KDM4B: variants seen among roughly 807,000 people sequenced by gnomAD.
KDM4B encodes lysine demethylase 4B.
Under a neutral mutation model 125.2 loss-of-function variants are expected in KDM4B, and 32 were observed. That is an observed-to-expected ratio of 0.26 (90% CI 0.19 to 0.34). The LOEUF (loss-of-function observed/expected upper bound fraction) is 0.34, where lower values mean the gene tolerates loss of function less well. Among genes scored for constraint, KDM4B ranks in the 10% least tolerant of loss-of-function variants. KDM4B has a pLI of 1.00. For missense variants in KDM4B, 1,190 were observed against 1,577.7 expected (o/e 0.75, Z 4.16); for synonymous variants, 721 against 677.9 (o/e 1.06, Z -0.99).
Position 5,048,738 on chromosome 19 carries a change from G to A in KDM4B, c.626+1069G>A, listed in dbSNP as rs575121212. ...AGGGAAAGGCCCTGTAGAGGACCCCGTGTGACTTGGGGCAAAGCGTGGCCT... is the reference window on the plus strand; with the variant it reads ...AGGGAAAGGCCCTGTAGAGGACCCCATGTGACTTGGGGCAAAGCGTGGCCT... On this transcript the variant is annotated intron_variant, in intron 6 of 22. Coordinates refer to ENST00000159111, the MANE Select transcript of KDM4B (RefSeq NM_015015.3). Among the ~76,000 whole-genome samples the A allele has an allele frequency of 5.3e-5, 8 of 152,358 alleles. No homozygotes were observed. In the East Asian group the frequency reaches 1.4e-3, roughly 26 times the overall value.
intron 2 of KDM4B, among the ~76,000 whole-genome samples, chr19:5,025,739 T>C (rs1054280060): frequency 5.9e-5 from 9 of 152,232 alleles, no homozygotes; most frequent in African/African-American, 1.9e-4. Flanking sequence ...ACTTTCCTCC[T>C]GCCCTGGACC....
intron 1 of KDM4B, among the ~76,000 whole-genome samples, chr19:5,004,081 A>G (rs2035479229): frequency 6.6e-6 from 1 of 152,160 alleles, no homozygotes; most frequent in Non-Finnish European, 1.5e-5. Flanking sequence ...GCTTCTTTGA[A>G]GTTAATACGT....
rs530469372 is a variant in KDM4B at position 5,131,194 on chromosome 19, G to A, written c.1434G>A (p.Ala478=). The A allele has an allele frequency of 5.0e-6, 8 of 1,603,798 alleles. No homozygotes were observed. The South Asian group carries it at 5.6e-5, about 11-fold the overall frequency. Residue 478 remains alanine, a synonymous_variant, in exon 12 of 23, where the codon GCG becomes GCA. Transcript: ENST00000159111. ...CTGCTCACTTCCCCTCAGAGGAGGC[G>A]CTGTGGCTGCCATCCCCACTGGAGC... ...PPPAHFPSEE[A]LWLPSPLEPP...
intron 5 of KDM4B, among the ~76,000 whole-genome samples, chr19:5,045,319 T>G (rs1482127344): frequency 6.6e-6 from 1 of 152,234 alleles, no homozygotes; most frequent in Non-Finnish European, 1.5e-5. Context: ...GGGGCCCCTT[T>G]GCATGCCTGT....
chr19:5,120,092 C>T (rs1360718895), intron 11 of KDM4B, among the ~76,000 whole-genome samples: 1 of 152,192 alleles, frequency 6.6e-6, no homozygotes, highest in Non-Finnish European at 1.5e-5. Flanking sequence ...CGCAGTGGCT[C>T]CCACCTGTAA....
intron 1 of KDM4B, among the ~76,000 whole-genome samples, chr19:5,000,363 G>T (rs766959822): frequency 4.0e-5 from 6 of 149,508 alleles, no homozygotes; most frequent in Non-Finnish European, 7.4e-5. Flanking sequence ...CCATCCAACC[G>T]TCCATCTGTT....
intron 1 of KDM4B, among the ~76,000 whole-genome samples, chr19:5,007,417 GTTGT>G (rs2035594324): frequency 6.6e-6 from 1 of 152,082 alleles, no homozygotes; most frequent in South Asian, 2.1e-4. Context: ...TTTCTGTTAG[GTTGT>G]TTGTCTTTTG....
intron 11 of KDM4B, among the ~76,000 whole-genome samples, chr19:5,128,146 C>T (rs556458857): frequency 9.8e-5 from 15 of 152,302 alleles, no homozygotes; most frequent in African/African-American, 2.9e-4. Context: ...TCCCTGGCCC[C>T]CACAGCCCCG....
At chr19:5,120,797 G>T (rs947962222) in intron 11 of KDM4B, among the ~76,000 whole-genome samples, 1 of 152,104 alleles carries the variant, frequency 6.6e-6, no homozygotes, top group Non-Finnish European at 1.5e-5. Context: ...CAGGTGCCAT[G>T]CAGGGAGCAG....
At chr19:5,126,850 G>A (rs1303051275) in intron 11 of KDM4B, among the ~76,000 whole-genome samples, 17 of 152,246 alleles carry the variant, frequency 1.1e-4, no homozygotes, top group South Asian at 4.1e-4. Context: ...AGCCAAGCAC[G>A]AAACTTGAGG....
Position 5,082,673 on chromosome 19 carries a change from C to T in KDM4B, c.918+169C>T, listed in dbSNP as rs1465546262. On this transcript the variant is annotated intron_variant, in intron 9 of 22. Transcript: ENST00000159111. The surrounding 1 kb of genome is among the most constrained non-coding windows in gnomAD (Gnocchi z 5.4). Reference sequence around the variant, plus strand: ...CTCCTCAGAGAGCTTTTGCCCAGAACGCTCCTTACCTCGAAGACTGGAGAG... The same window carrying T: ...CTCCTCAGAGAGCTTTTGCCCAGAATGCTCCTTACCTCGAAGACTGGAGAG... 6.6e-6 allele frequency among the ~76,000 whole-genome samples: 1 copy of T among 152,168 alleles called. No homozygotes were observed. Among genetic ancestry groups the T allele is most frequent in the Non-Finnish European group, 1.5e-5 (1 of 68,030 alleles).
intron 9 of KDM4B, among the ~76,000 whole-genome samples, chr19:5,089,251 C>T (rs1028051254): frequency 6.6e-6 from 1 of 152,300 alleles, no homozygotes; most frequent in African/African-American, 2.4e-5. Context: ...GAACAGTAAT[C>T]CAGAATAAAA....
intron 21 of KDM4B, among the ~76,000 whole-genome samples, chr19:5,146,232 C>T (rs2039842251): frequency 7.3e-6 from 1 of 136,442 alleles, no homozygotes; most frequent in Non-Finnish European, 1.6e-5. Flanking sequence ...ACTGAGCATC[C>T]AGGACCCCCC....
intron 2 of KDM4B, among the ~76,000 whole-genome samples, chr19:5,027,183 G>A (rs1036131152): frequency 1.3e-5 from 2 of 152,256 alleles, no homozygotes; most frequent in Non-Finnish European, 2.9e-5. Flanking sequence ...GGCAGAAGCC[G>A]GTACGGTTGC....
At chr19:5,018,609 G>C (rs1451905358) in intron 2 of KDM4B, among the ~76,000 whole-genome samples, 1 of 152,184 alleles carries the variant, frequency 6.6e-6, no homozygotes, top group South Asian at 2.1e-4. Context: ...CTCTTTAAAG[G>C]ATACAGTTTG....
chr19:5,114,153 C>T lies in KDM4B; in HGVS notation c.1115+3335C>T. 7.8e-7 allele frequency: 1 copy of T among 1,289,608 alleles called. No individual in the cohort carries two copies. Among genetic ancestry groups the T allele is most frequent in the Non-Finnish European group, 1.0e-6 (1 of 988,796 alleles). 79.9% of individuals were successfully genotyped at this position (1,289,608 alleles called of 1,614,324 possible). A position where few individuals can be genotyped will look rare whatever the true frequency, so the allele number is the denominator to read the frequency against. On this transcript the variant is annotated intron_variant, in intron 10 of 22. Transcript: ENST00000159111. This position sits in a 1 kb window ranked among gnomAD's most constrained non-coding sequence, Gnocchi z 5.8. ...CCGGAGCCCTCACAGTGCTCTCTGG[C>T]ACCCACGCGACGCTCCTCCATGCAA... is the stretch of plus-strand genomic sequence containing the variant.
intron 1 of KDM4B, among the ~76,000 whole-genome samples, chr19:4,980,889 C>T (rs1357827788): frequency 7.1e-6 from 1 of 141,622 alleles, no homozygotes; most frequent in Non-Finnish European, 1.5e-5. Context: ...CTGCACCATG[C>T]AGAATACAGG....
intron 11 of KDM4B, among the ~76,000 whole-genome samples, chr19:5,120,755 C>T (rs2039345522): frequency 6.6e-6 from 1 of 152,140 alleles, no homozygotes; most frequent in Non-Finnish European, 1.5e-5. Flanking sequence ...CTAGGGCTCC[C>T]CGCTGGGAGC....
rs1434556295 is a variant in KDM4B, at chr19:5,043,337, T to C, written c.432+2086T>C. On this transcript the variant is annotated intron_variant, in intron 5 of 22. Coordinates refer to ENST00000159111, the MANE Select transcript of KDM4B (RefSeq NM_015015.3). The stretch of plus-strand genomic sequence containing the variant: ...TCGGAGTGGGGTGTCCACCTTATCC[T>C]GCGCAGCATTTATCGGAGTGGGGGT... 2.1e-4 allele frequency among the ~76,000 whole-genome samples: 27 copies of C among 126,836 alleles called. 1 individual carries two copies. Among genetic ancestry groups the C allele is most frequent in the South Asian group, 1.2e-3 (4 of 3,456 alleles). The allele number at this position is 126,836 out of a possible 152,430, so 83.2% of individuals were successfully genotyped here.
Sources: gnomAD v4.1 joint callset for allele counts (sites outside exome capture counted in the v4.1 genomes callset) on GRCh38, gnomAD v4.1.1 for gene constraint, Gnocchi (gnomAD v3.1) non-coding constraint, MANE v1.5 for transcripts, NCBI Gene and HGNC (gene_info 2026-07-23, HGNC 2026-07-21) for gene names.